Variants in SMAD4 observed in about 807,000 individuals in gnomAD.
The protein encoded by SMAD4 is SMAD family member 4.
A neutral mutation model predicts 63.2 loss-of-function variants in SMAD4; 7 were observed. That is an observed-to-expected ratio of 0.11 (90% CI 0.06 to 0.21). SMAD4 has a LOEUF of 0.21. Ranked by LOEUF, SMAD4 falls within the 10% of genes least tolerant of loss-of-function variation. The pLI, the probability that SMAD4 is intolerant of heterozygous loss-of-function variation, is 1.00. For synonymous variants in SMAD4, 215 were observed against 235.4 expected (o/e 0.91, Z 0.79); for missense variants, 312 against 693.8 (o/e 0.45, Z 6.18).
intron 10 of SMAD4, among the ~76,000 whole-genome samples, chr18:51,074,023 A>G (rs912987682): frequency 1.3e-5 from 2 of 152,128 alleles, no homozygotes; most frequent in African/African-American, 4.8e-5. Flanking sequence ...CTGTTATCCA[A>G]AATTACAAAG....
intron 8 of SMAD4, among the ~76,000 whole-genome samples, chr18:51,064,764 C>T (rs528217924): frequency 3.3e-5 from 5 of 152,126 alleles, no homozygotes; most frequent in Non-Finnish European, 5.9e-5. Flanking sequence ...ACTAAAAATA[C>T]CTTTTGCTAT....
At chr18:51,043,070 A>G (rs1599178147) in intron 1 of SMAD4, among the ~76,000 whole-genome samples, 3 of 152,226 alleles carry the variant, frequency 2.0e-5, no homozygotes, top group Admixed American at 2.0e-4. Context: ...TACACATTAT[A>G]TATTAAGCTT....
At chr18:51,038,571 C>T (rs541942800) in intron 1 of SMAD4, among the ~76,000 whole-genome samples, 26 of 152,292 alleles carry the variant, frequency 1.7e-4, no homozygotes, top group Admixed American at 4.6e-4. Flanking sequence ...ATGTGAGACA[C>T]GTTTTCTTCA....
intron 3 of SMAD4, 112 bp downstream of exon 3, chr18:51,048,972 T>G (rs1909627881): frequency 1.1e-6 from 1 of 925,928 alleles, no homozygotes; most frequent in East Asian, 2.6e-5. Flanking sequence ...CGACTTTAAA[T>G]AAGGTTAAAG....
chr18:51,071,455 C>T (rs773798160), intron 10 of SMAD4, among the ~76,000 whole-genome samples: 8 of 152,116 alleles, frequency 5.3e-5, no homozygotes, highest in Non-Finnish European at 1.0e-4. Context: ...TTTTACTTAA[C>T]GAAAATCTGA....
At chr18:51,053,450 C>T (rs1909761949) in intron 4 of SMAD4, 1 of 151,908 alleles carries the variant, frequency 6.6e-6, no homozygotes, top group Non-Finnish European at 1.5e-5. Flanking sequence ...TGGTTGTGTT[C>T]AGTTTTTTTT....
intron 8 of SMAD4, among the ~76,000 whole-genome samples, chr18:51,060,774 T>C (rs1655252143): frequency 6.6e-6 from 1 of 152,142 alleles, no homozygotes; most frequent in Non-Finnish European, 1.5e-5. Context: ...GCTGGGACTA[T>C]AGGCAAGGGC....
chr18:51,074,795 T>C (rs1258627948), intron 10 of SMAD4, among the ~76,000 whole-genome samples: 1 of 152,236 alleles, frequency 6.6e-6, no homozygotes, highest in African/African-American at 2.4e-5. Context: ...CTGAAACGAA[T>C]GGACTGTGAG....
intron 1 of SMAD4, among the ~76,000 whole-genome samples, chr18:51,033,894 G>A (rs1245755376): frequency 1.3e-5 from 2 of 152,174 alleles, no homozygotes; most frequent in Non-Finnish European, 2.9e-5. Context: ...AACTAAGATG[G>A]TAGGTAGTCG....
rs1293111043 is a variant in SMAD4 at position 51,046,972 on chromosome 18, T to C, written c.-75T>C. Reference sequence around the variant, plus strand: ...TTCCTTGCAACGTTAGCTGTTGTTTTTCACTGTTTCCAAAGGATCAAAATT... The same window carrying C: ...TTCCTTGCAACGTTAGCTGTTGTTTCTCACTGTTTCCAAAGGATCAAAATT... On this transcript the variant is annotated 5_prime_UTR_variant, in exon 2 of 12. Coordinates refer to ENST00000342988, the MANE Select transcript of SMAD4 (RefSeq NM_005359.6). 1 of 1,412,876 alleles carries C rather than the reference T, an allele frequency of 7.1e-7. No homozygotes were observed. Among genetic ancestry groups the C allele is most frequent in the South Asian group, 1.2e-5 (1 of 85,668 alleles). 87.5% of individuals were successfully genotyped at this position (1,412,876 alleles called of 1,614,324 possible).
At chr18:51,071,602 A>G (rs1205487484) in intron 10 of SMAD4, among the ~76,000 whole-genome samples, 1 of 152,164 alleles carries the variant, frequency 6.6e-6, no homozygotes, top group Non-Finnish European at 1.5e-5. Flanking sequence ...CAAGTTTTTA[A>G]TAGCTTTATT....
At chr18:51,046,036 A>G (rs879839046) in intron 1 of SMAD4, among the ~76,000 whole-genome samples, 2 of 152,268 alleles carry the variant, frequency 1.3e-5, no homozygotes, top group South Asian at 2.1e-4. Flanking sequence ...GTTGATGGAC[A>G]TTTGAGTTGT....
chr18:51,032,757 C>T (rs933793250), intron 1 of SMAD4, among the ~76,000 whole-genome samples: 2 of 152,018 alleles, frequency 1.3e-5, no homozygotes, highest in African/African-American at 4.8e-5. Context: ...TTACTGAGGC[C>T]TCTGCTAGGG....
chr18:51,073,472 G>A (rs1287053947), intron 10 of SMAD4, among the ~76,000 whole-genome samples: 2 of 144,228 alleles, frequency 1.4e-5, no homozygotes, highest in Non-Finnish European at 3.0e-5. Flanking sequence ...AAGTAGTTGT[G>A]GAGACCTAAA....
In SMAD4 at chr18:51,033,762, C is replaced by T. The variant is rs75913646; in HGVS notation, c.-128+3139C>T. Among the ~76,000 whole-genome samples, 1,165 of 152,262 alleles carry T rather than the reference C, an allele frequency of 7.7e-3. 17 individuals are homozygous for T. Among genetic ancestry groups the T allele is most frequent in the African/African-American group, 0.026 (1,096 of 41,540 alleles). ...GAAATTTGACTGAATTCCAGTTTCTCAGGAACAAGGTATTTTAGGTTGTGT... is the reference window on the plus strand; with the variant it reads ...GAAATTTGACTGAATTCCAGTTTCTTAGGAACAAGGTATTTTAGGTTGTGT... On this transcript the variant is annotated intron_variant, in intron 1 of 11. Coordinates refer to ENST00000342988, the MANE Select transcript of SMAD4 (RefSeq NM_005359.6).
intron 1 of SMAD4, among the ~76,000 whole-genome samples, chr18:51,042,291 C>G (rs763846934): frequency 1.2e-3 from 77 of 66,380 alleles, no homozygotes; most frequent in African/African-American, 3.2e-3. Flanking sequence ...CTGCCTGCCT[C>G]CCTCCCTCCT....
At chr18:51,074,389 C>T (rs1008651059) in intron 10 of SMAD4, among the ~76,000 whole-genome samples, 13 of 152,028 alleles carry the variant, frequency 8.6e-5, no homozygotes, top group Non-Finnish European at 1.6e-4. Flanking sequence ...GAACAAACAC[C>T]TCACCAAAGA....
chr18:51,040,222 C>T (rs140350940), intron 1 of SMAD4, among the ~76,000 whole-genome samples: 2 of 152,110 alleles, frequency 1.3e-5, no homozygotes, highest in Non-Finnish European at 2.9e-5. Context: ...GTCAGGAGAT[C>T]GAGACCATCC....
At position 51,083,997 on chromosome 18, in the gene SMAD4, TGCGCACGC is replaced by T. The variant is rs112458358; in HGVS notation, c.*5535_*5542del. The T allele has an allele frequency of 3.8e-3, 472 of 124,012 alleles. 3 individuals are homozygous for T. The highest frequency in any genetic ancestry group is 0.011 in the African/African-American group (267 of 23,610). 7.7% of individuals were successfully genotyped at this position (124,012 alleles called of 1,614,324 possible). Reference sequence around the variant, plus strand: ...GGCTGCAATAAACACTTAACGCGCGTGCGCACGCGCGCGCGCACACACACACACACACA... The same window carrying T: ...GGCTGCAATAAACACTTAACGCGCGTGCGCGCGCACACACACACACACACA... On this transcript the variant is annotated 3_prime_UTR_variant, in exon 12 of 12. Coordinates refer to ENST00000342988, the MANE Select transcript of SMAD4 (RefSeq NM_005359.6).
Sources: gnomAD v4.1 joint callset for allele counts (sites outside exome capture counted in the v4.1 genomes callset) on GRCh38, gnomAD v4.1.1 for gene constraint, MANE v1.5 for transcripts, NCBI Gene and HGNC (gene_info 2026-07-23, HGNC 2026-07-21) for gene names.